Variants in ANKRD50 observed in about 807,000 individuals in gnomAD.
The protein encoded by ANKRD50 is ankyrin repeat domain 50.
In ANKRD50, 40 loss-of-function variants were observed where a neutral mutation model predicts 112.0. The ratio of observed to expected loss-of-function variants is 0.36; its 90% CI spans 0.28 to 0.46. The LOEUF is 0.46. ANKRD50 is among the 20% of genes least tolerant of loss of function. The probability of loss-of-function intolerance (pLI) is 1.00; values close to 1 mark genes in which losing one functional copy is unlikely to be tolerated. For missense variants in ANKRD50, 1,487 were observed against 1,701.7 expected (o/e 0.87, Z 2.22); for synonymous variants, 613 against 619.1 (o/e 0.99, Z 0.15).
chr4:124,670,946 T>G lies in ANKRD50; in HGVS notation c.2331A>C (p.Thr777=). The G allele has an allele frequency of 6.2e-7, 1 of 1,613,880 alleles. No homozygotes were observed. The highest frequency in any genetic ancestry group is 8.5e-7 in the Non-Finnish European group (1 of 1,179,876). The change falls in exon 4 of 5, where the codon ACA becomes ACC. Residue 777 remains threonine (T), a synonymous_variant. Coordinates refer to ENST00000504087, the MANE Select transcript of ANKRD50 (RefSeq NM_020337.3). ...LLEGGADVDH[T]DNNGRTPLLA... ...AGAGGGGTGTACGGCCATTGTTATC[T>G]GTGTGATCTACATCTGCTCCCCCTT...
chr4:124,682,608 T>C (rs1477985131), intron 2 of ANKRD50, among the ~76,000 whole-genome samples: 6 of 152,172 alleles, frequency 3.9e-5, no homozygotes, highest in African/African-American at 7.2e-5. Context: ...CTTAAGTAAC[T>C]GGCCCCTGTA....
chr4:124,675,583 T>A (rs995080474), intron 3 of ANKRD50, among the ~76,000 whole-genome samples: 35 of 151,890 alleles, frequency 2.3e-4, no homozygotes, highest in African/African-American at 7.7e-4. Context: ...ATACAGAATT[T>A]AACACAACGT....
In ANKRD50 at chr4:124,671,112, G is replaced by C. The variant is rs755306100; in HGVS notation, c.2165C>G (p.Pro722Arg). The C allele has an allele frequency of 5.6e-6, 9 of 1,613,752 alleles. No homozygotes were observed. Among genetic ancestry groups the C allele is most frequent in the Non-Finnish European group, 7.6e-6 (9 of 1,179,832 alleles). ...TALSVAALCV[P>R]ASKGHASVVS... is the part of the protein sequence containing the mutation. ...AACTGATGCGTGCCCTTTACTTGCA[G>C]GCACACAAAGTGCAGCTACAGAGAG... is the stretch of plus-strand genomic sequence containing the variant. Residue 722 changes from proline to arginine, a missense_variant, in exon 4 of 5, where the codon CCT becomes CGT. Transcript: ENST00000504087.
At chr4:124,675,145 A>G (rs1730745015) in intron 3 of ANKRD50, among the ~76,000 whole-genome samples, 1 of 151,670 alleles carries the variant, frequency 6.6e-6, no homozygotes, top group Non-Finnish European at 1.5e-5. Flanking sequence ...GAATAGAAGT[A>G]TTTTTCTATT....
chr4:124,691,925 A>G (rs1311718502), intron 2 of ANKRD50, among the ~76,000 whole-genome samples: 1 of 152,244 alleles, frequency 6.6e-6, no homozygotes, highest in East Asian at 1.9e-4. Flanking sequence ...AATGCTCCAA[A>G]GTCTGAAACT....
At chr4:124,686,618 A>T (rs765714179) in intron 2 of ANKRD50, among the ~76,000 whole-genome samples, 5 of 152,276 alleles carry the variant, frequency 3.3e-5, no homozygotes, top group Admixed American at 6.5e-5. Context: ...CGCAGCCTAC[A>T]GCAACGGGAT....
chr4:124,675,617 A>G (rs1292168154), intron 3 of ANKRD50, among the ~76,000 whole-genome samples: 3 of 151,826 alleles, frequency 2.0e-5, no homozygotes, highest in Admixed American at 1.3e-4. Context: ...AAGCACTCTT[A>G]TTAGTATCTG....
rs537913472 is a variant in ANKRD50 at position 124,687,522 on chromosome 4, T to A, written c.513-8617A>T. ...GGGATCCATAGAAGGAAAAAAAAAA[T>A]TGAAAACTTGACTTTATCAAAATTA... On this transcript the variant is annotated intron_variant, in intron 2 of 4. Transcript: ENST00000504087. Among the ~76,000 whole-genome samples the A allele has an allele frequency of 4.0e-5, 6 of 151,714 alleles. No homozygotes were observed. In the East Asian group the frequency reaches 1.2e-3, roughly 29 times the overall value.
At chr4:124,684,842 G>A (rs75169691) in intron 2 of ANKRD50, among the ~76,000 whole-genome samples, 7,517 of 151,996 alleles carry the variant, frequency 0.049, 244 homozygotes, top group Admixed American at 0.091. Context: ...CCTCCTTTTC[G>A]TTTTAGCACA....
intron 3 of ANKRD50, among the ~76,000 whole-genome samples, chr4:124,677,220 G>A (rs558746096): frequency 6.6e-6 from 1 of 151,686 alleles, no homozygotes; most frequent in African/African-American, 2.4e-5. Flanking sequence ...CCCAAAAAAA[G>A]AAGTAAATTT....
intron 2 of ANKRD50, among the ~76,000 whole-genome samples, chr4:124,687,994 T>C (rs1391057072): frequency 6.6e-6 from 1 of 152,174 alleles, no homozygotes; most frequent in African/African-American, 2.4e-5. Context: ...TCTAAGTATT[T>C]ACCAAAATGA....
chr4:124,679,632 A>G (rs1042909970), intron 2 of ANKRD50, among the ~76,000 whole-genome samples: 2 of 152,198 alleles, frequency 1.3e-5, no homozygotes, highest in Admixed American at 1.3e-4. Flanking sequence ...TAAGGTGCTG[A>G]GCAGATACAA....
At chr4:124,688,821 C>T (rs1409180675) in intron 2 of ANKRD50, among the ~76,000 whole-genome samples, 2 of 152,116 alleles carry the variant, frequency 1.3e-5, no homozygotes, top group Admixed American at 6.5e-5. Flanking sequence ...CAACAATTGG[C>T]GCCTTATCAA....
intron 3 of ANKRD50, among the ~76,000 whole-genome samples, chr4:124,674,380 AG>A (rs1432274809): frequency 6.6e-6 from 1 of 152,004 alleles, no homozygotes; most frequent in African/African-American, 2.4e-5. Flanking sequence ...CCACAGTAAC[AG>A]GTAGGGTTCT....
In ANKRD50 at chr4:124,666,836, T is replaced by C. The variant is rs1381113595; in HGVS notation, c.*682A>G. 1 of 152,466 alleles carries C rather than the reference T, an allele frequency of 6.6e-6. No homozygotes were observed. The highest frequency in any genetic ancestry group is 1.5e-5 in the Non-Finnish European group (1 of 67,946). The allele number at this position is 152,466 out of a possible 1,614,324, so 9.4% of individuals were successfully genotyped here. On this transcript the variant is annotated 3_prime_UTR_variant, in exon 5 of 5. Coordinates refer to ENST00000504087, the MANE Select transcript of ANKRD50 (RefSeq NM_020337.3). The stretch of plus-strand genomic sequence containing the variant: ...GGTTGGTTGTTTGTTCTGACATGTT[T>C]AGCCAGAGATGAGAAGAATTCTACT...
Position 124,665,121 on chromosome 4 carries a change from C to G in ANKRD50, c.*2397G>C, listed in dbSNP as rs923338217. 6.6e-6 allele frequency: 1 copy of G among 151,870 alleles called. No individual in the cohort carries two copies. Among genetic ancestry groups the G allele is most frequent in the Non-Finnish European group, 1.5e-5 (1 of 67,814 alleles). 9.4% of individuals were successfully genotyped at this position (151,870 alleles called of 1,614,324 possible). On this transcript the variant is annotated 3_prime_UTR_variant, in exon 5 of 5. Transcript: ENST00000504087. ...TTTTTAATGGAGCAGAAGCCATTTT[C>G]ATTTATAGTATTAAATCCCCCACAG...
chr4:124,664,963 C>T lies in ANKRD50; in HGVS notation c.*2555G>A, dbSNP rs369865739. On this transcript the variant is annotated 3_prime_UTR_variant, in exon 5 of 5. Coordinates refer to ENST00000504087, the MANE Select transcript of ANKRD50 (RefSeq NM_020337.3). ...ATGATATTTAGGGAATAGACACAGA[C>T]GGAATGTTATAAAAATGTTATAAGC... The T allele has an allele frequency of 2.2e-4, 34 of 151,808 alleles. No homozygotes were observed. In the East Asian group the frequency reaches 5.4e-3, roughly 24 times the overall value. 9.4% of individuals were successfully genotyped at this position (151,808 alleles called of 1,614,324 possible).
At chr4:124,667,998 A>G (rs1354734123) in intron 4 of ANKRD50, among the ~76,000 whole-genome samples, 2 of 152,034 alleles carry the variant, frequency 1.3e-5, no homozygotes, top group Non-Finnish European at 2.9e-5. Context: ...AAGAGTATAT[A>G]TAACTTTGTT....
At chr4:124,692,946 A>T (rs1260714564) in intron 2 of ANKRD50, among the ~76,000 whole-genome samples, 5 of 152,166 alleles carry the variant, frequency 3.3e-5, no homozygotes. Flanking sequence ...AAATCCTGTA[A>T]ATTAGATAAT....
Sources: gnomAD v4.1 joint callset for allele counts (sites outside exome capture counted in the v4.1 genomes callset) on GRCh38, gnomAD v4.1.1 for gene constraint, MANE v1.5 for transcripts, NCBI Gene and HGNC (gene_info 2026-07-23, HGNC 2026-07-21) for gene names.